The following RGS7 variants were observed in gnomAD, a reference collection of about 807,000 sequenced individuals.
The protein encoded by RGS7 is regulator of G protein signaling 7.
Under a neutral mutation model 81.1 loss-of-function variants are expected in RGS7, and 27 were observed. The ratio of observed to expected loss-of-function variants is 0.33; its 90% confidence interval spans 0.25 to 0.46. The LOEUF is 0.46. RGS7 is among the 20% of genes least tolerant of loss of function. The pLI, the probability that RGS7 is intolerant of heterozygous loss-of-function variation, is 1.00. For synonymous variants in RGS7, 208 were observed against 207.7 expected (o/e 1.00, Z -0.01); for missense variants, 396 against 607.4 (o/e 0.65, Z 3.66).
intron 9 of RGS7, among the ~76,000 whole-genome samples, chr1:240,851,915 G>T (rs1290138711): frequency 6.6e-6 from 1 of 152,172 alleles, no homozygotes; most frequent in Non-Finnish European, 1.5e-5. Flanking sequence ...AAATAAAGTT[G>T]TTTCTTAAGA....
At chr1:241,127,260 T>G (rs1221096625) in intron 2 of RGS7, among the ~76,000 whole-genome samples, 7 of 152,194 alleles carry the variant, frequency 4.6e-5, no homozygotes. Flanking sequence ...AGAATACATA[T>G]TTTTTAAGCT....
chr1:240,984,359 CTT>C (rs1347532146), intron 3 of RGS7, among the ~76,000 whole-genome samples: 2 of 152,098 alleles, frequency 1.3e-5, no homozygotes, highest in Non-Finnish European at 2.9e-5. Context: ...GGGAAAAGGT[CTT>C]AGTTCAGTGT....
intron 2 of RGS7, among the ~76,000 whole-genome samples, chr1:241,177,185 C>A (rs1180318633): frequency 6.6e-6 from 1 of 152,142 alleles, no homozygotes; most frequent in Non-Finnish European, 1.5e-5. Flanking sequence ...CAGATCAGGT[C>A]ATAAAGTAAC....
chr1:240,842,216 T>TTTTTTTTTTTTTTTTTTTTTTTTA (rs1658181941), intron 9 of RGS7, among the ~76,000 whole-genome samples: 1 of 141,200 alleles, frequency 7.1e-6, no homozygotes, highest in African/African-American at 2.6e-5. Context: ...TTTTTTTTTT[T>TTTTTTTTTTTTTTTTTTTTTTTTA]GAGACAGAGT....
At position 240,814,750 on chromosome 1, in the gene RGS7, T is replaced by C. The variant is rs1442901420; in HGVS notation, c.811A>G (p.Arg271Gly). Reference protein sequence around the residue: ...QIKYWQIQLDRHRLKMSKVAD... With the variant: ...QIKYWQIQLDGHRLKMSKVAD... ...ACTTTTGACATTTTTAACCGATGTC[T>C]ATCTAACTGTATTTGCCAATATTTT... Residue 271 changes from arginine to glycine, a missense_variant, in exon 12 of 19, where the codon AGA becomes GGA. Arg to Gly is a moderately radical substitution (Grantham distance 125). Transcript: ENST00000440928. The C allele has an allele frequency of 1.2e-6, 2 of 1,600,046 alleles. No homozygotes were observed. Among genetic ancestry groups the C allele is most frequent in the Non-Finnish European group, 1.7e-6 (2 of 1,167,614 alleles).
At chr1:241,268,903 G>A (rs2077731109) in intron 2 of RGS7, among the ~76,000 whole-genome samples, 1 of 152,058 alleles carries the variant, frequency 6.6e-6, no homozygotes, top group Non-Finnish European at 1.5e-5. Flanking sequence ...TCTTTTACTG[G>A]CATTTACATG....
chr1:241,177,396 C>T (rs1414402040), intron 2 of RGS7, among the ~76,000 whole-genome samples: 2 of 151,996 alleles, frequency 1.3e-5, no homozygotes, highest in Non-Finnish European at 2.9e-5. Context: ...GAACAGGAGC[C>T]TGGAGCGTAG....
At chr1:241,224,164 T>C (rs2075177363) in intron 2 of RGS7, among the ~76,000 whole-genome samples, 1 of 152,018 alleles carries the variant, frequency 6.6e-6, no homozygotes, top group Admixed American at 6.6e-5. Context: ...TGTTACATAG[T>C]TATACACGTG....
chr1:240,941,334 C>T (rs1342972631), intron 4 of RGS7, among the ~76,000 whole-genome samples: 1 of 152,070 alleles, frequency 6.6e-6, no homozygotes, highest in East Asian at 1.9e-4. Flanking sequence ...ATTTTGTGTT[C>T]ATTACAGGAT....
chr1:241,149,306 A>G (rs2068581079), intron 2 of RGS7, among the ~76,000 whole-genome samples: 1 of 152,162 alleles, frequency 6.6e-6, no homozygotes, highest in African/African-American at 2.4e-5. Context: ...AGTTGAGATT[A>G]CAGGCATGTG....
At chr1:240,784,216 CA>C (rs759493233) in intron 18 of RGS7, among the ~76,000 whole-genome samples, 1 of 151,124 alleles carries the variant, frequency 6.6e-6, no homozygotes, top group African/African-American at 2.4e-5. Context: ...CAAAACAAAA[CA>C]AAAAAACACA....
chr1:241,287,598 C>T (rs1274386540), intron 2 of RGS7, among the ~76,000 whole-genome samples: 1 of 152,156 alleles, frequency 6.6e-6, no homozygotes, highest in East Asian at 1.9e-4. Context: ...AACAGACTAA[C>T]ACGCCCTGGA....
intron 4 of RGS7, among the ~76,000 whole-genome samples, chr1:240,953,929 G>A (rs894739811): frequency 6.6e-6 from 1 of 151,898 alleles, no homozygotes; most frequent in African/African-American, 2.4e-5. Context: ...TCATCATTAA[G>A]GATCCATAGA....
At chr1:241,282,092 G>A (rs7417310) in intron 2 of RGS7, among the ~76,000 whole-genome samples, 5 of 152,078 alleles carry the variant, frequency 3.3e-5, no homozygotes, top group African/African-American at 1.2e-4. Context: ...CCTGTCACCC[G>A]AGTAGTGAGC....
At chr1:240,915,064 G>A (rs780024209) in intron 6 of RGS7, among the ~76,000 whole-genome samples, 2 of 152,164 alleles carry the variant, frequency 1.3e-5, no homozygotes, top group African/African-American at 4.8e-5. Flanking sequence ...GCCCTACTAG[G>A]TTTGCACAAT....
intron 2 of RGS7, among the ~76,000 whole-genome samples, chr1:241,229,071 AAAAG>A (rs1221873701): frequency 2.6e-5 from 4 of 152,012 alleles, no homozygotes; most frequent in Admixed American, 2.6e-4. Context: ...AAAAAAAAAA[AAAAG>A]AAGGAAAAAC....
intron 2 of RGS7, among the ~76,000 whole-genome samples, chr1:241,192,252 C>CGTGTGTGTGTGTGTGT (rs56677676): frequency 1.6e-5 from 2 of 124,676 alleles, no homozygotes; most frequent in African/African-American, 6.4e-5. Flanking sequence ...TCTGTCTGCA[C>CGTGTGTGTGTGTGTGT]GTGTGTGTGT....
chr1:240,787,339 G>T (rs1399295483), intron 18 of RGS7, among the ~76,000 whole-genome samples: 1 of 152,078 alleles, frequency 6.6e-6, no homozygotes, highest in South Asian at 2.1e-4. Flanking sequence ...TTACATTTTG[G>T]TCTGTCATAG....
At chr1:240,816,563 A>G in intron 10 of RGS7, 148 bp from the exon 11 acceptor site, 1 of 621,962 alleles carries the variant, frequency 1.6e-6, no homozygotes, top group East Asian at 2.8e-5. Context: ...GGCACTGCTA[A>G]GATAAAAATC....
Sources: gnomAD v4.1 joint callset for allele counts (sites outside exome capture counted in the v4.1 genomes callset) on GRCh38, gnomAD v4.1.1 for gene constraint, MANE v1.5 for transcripts, NCBI Gene and HGNC (gene_info 2026-07-23, HGNC 2026-07-21) for gene names.